Variants in HOMER2 observed in about 807,000 individuals in gnomAD.
HOMER2 encodes homer scaffold protein 2.
HOMER2 carries 27 observed loss-of-function variants against 47.0 expected under a neutral mutation model. The ratio of observed to expected loss-of-function variants is 0.57; its 90% confidence interval spans 0.42 to 0.79. The LOEUF (loss-of-function observed/expected upper bound fraction) is 0.79, where lower values mean the gene tolerates loss of function less well. Ranked by LOEUF, HOMER2 falls within the 30% of genes least tolerant of loss-of-function variation. The probability of loss-of-function intolerance (pLI) is 0.00; values close to 1 mark genes in which losing one functional copy is unlikely to be tolerated. For missense variants in HOMER2, 443 were observed against 435.0 expected (o/e 1.02, Z -0.16); for synonymous variants, 161 against 163.8 (o/e 0.98, Z 0.13).
chr15:82,968,226 A>G (rs967020116), intron 1 of HOMER2, among the ~76,000 whole-genome samples: 28 of 152,216 alleles, frequency 1.8e-4, no homozygotes, highest in Admixed American at 5.2e-4. Context: ...GGAATTTAGT[A>G]CTTTCACAAT....
chr15:82,935,126 T>A (rs2054114330), intron 1 of HOMER2, among the ~76,000 whole-genome samples: 1 of 152,268 alleles, frequency 6.6e-6, no homozygotes, highest in Non-Finnish European at 1.5e-5. Context: ...GCCTGCTGCA[T>A]CTCCTGCCTT....
At chr15:82,921,749 C>T (rs2053733985) in intron 1 of HOMER2, among the ~76,000 whole-genome samples, 1 of 152,190 alleles carries the variant, frequency 6.6e-6, no homozygotes, top group South Asian at 2.1e-4. Flanking sequence ...TGGTCAGCTA[C>T]CCCAACTCCC....
intron 3 of HOMER2, among the ~76,000 whole-genome samples, chr15:82,869,655 A>T (rs775666604): frequency 6.6e-6 from 1 of 151,884 alleles, no homozygotes; most frequent in Non-Finnish European, 1.5e-5. Flanking sequence ...ACAGGGTTTC[A>T]CAATGTTGGC....
At chr15:82,917,961 T>G (rs2053632297) in intron 1 of HOMER2, among the ~76,000 whole-genome samples, 1 of 152,108 alleles carries the variant, frequency 6.6e-6, no homozygotes, top group South Asian at 2.1e-4. Context: ...AGACTGCTGC[T>G]GAGACTAGAG....
chr15:82,982,228 C>T (rs1238258301), intron 1 of HOMER2, among the ~76,000 whole-genome samples: 1 of 152,050 alleles, frequency 6.6e-6, no homozygotes, highest in Non-Finnish European at 1.5e-5. Context: ...CTGGTTATAC[C>T]AGATAGGTAA....
intron 1 of HOMER2, among the ~76,000 whole-genome samples, chr15:82,935,246 G>C (rs562708579): frequency 1.3e-5 from 2 of 151,910 alleles, no homozygotes; most frequent in African/African-American, 4.8e-5. Flanking sequence ...CCCCAGCCTC[G>C]CACTCACCTT....
intron 1 of HOMER2, among the ~76,000 whole-genome samples, chr15:82,930,169 C>A (rs1252293977): frequency 6.6e-6 from 1 of 152,190 alleles, no homozygotes; most frequent in Non-Finnish European, 1.5e-5. Flanking sequence ...CAGGGTCGGA[C>A]CACACACATA....
chr15:82,936,050 C>T (rs2054135792), intron 1 of HOMER2, among the ~76,000 whole-genome samples: 1 of 152,224 alleles, frequency 6.6e-6, no homozygotes, highest in Non-Finnish European at 1.5e-5. Context: ...ACGTCTTTCT[C>T]CAATCTGAGA....
intron 1 of HOMER2, among the ~76,000 whole-genome samples, chr15:82,907,445 AAG>A (rs113467450): frequency 1.3e-5 from 2 of 150,654 alleles, no homozygotes; most frequent in Non-Finnish European, 2.9e-5. Flanking sequence ...GAAAGAAAGA[AAG>A]AGAAAGAAAG....
chr15:82,893,772 A>G (rs2052807907), intron 1 of HOMER2, among the ~76,000 whole-genome samples: 1 of 152,032 alleles, frequency 6.6e-6, no homozygotes, highest in African/African-American at 2.4e-5. Context: ...CAGGCACGTG[A>G]CACCACACTT....
intron 2 of HOMER2, among the ~76,000 whole-genome samples, chr15:82,891,900 T>C (rs1035297414): frequency 3.9e-5 from 6 of 152,004 alleles, no homozygotes; most frequent in African/African-American, 1.5e-4. Context: ...AATTCAGCTT[T>C]AGATACACTG....
At chr15:82,919,452 C>T (rs1439577264) in intron 1 of HOMER2, among the ~76,000 whole-genome samples, 1 of 152,212 alleles carries the variant, frequency 6.6e-6, no homozygotes, top group African/African-American at 2.4e-5. Context: ...AGAATTCAGT[C>T]ATCATTGTTG....
At position 82,854,764 on chromosome 15, in the gene HOMER2, C is replaced by CT. The variant is rs1438353123; in HGVS notation, c.530dup (p.Thr178AspfsTer32). ...GCCGTGCATTGCTCTCCCGAAGGGT[C>CT]TGCAGCTCGATCTCCCACTTCTTCA... On this transcript the variant is annotated frameshift_variant, in exon 6 of 9. Coordinates refer to ENST00000450735, the MANE Select transcript of HOMER2 (RefSeq NM_004839.4). LOFTEE classifies it high-confidence loss of function. 3 of 1,611,500 alleles carry CT rather than the reference C, an allele frequency of 1.9e-6. No individual in the cohort carries two copies. The highest frequency in any genetic ancestry group is 2.5e-6 in the Non-Finnish European group (3 of 1,179,768).
intron 1 of HOMER2, among the ~76,000 whole-genome samples, chr15:82,932,976 C>T (rs1040461364): frequency 6.6e-6 from 1 of 152,114 alleles, no homozygotes; most frequent in East Asian, 1.9e-4. Context: ...CCACCACAAA[C>T]GGCAGCTGGT....
rs754906921 is a variant in HOMER2 at position 82,849,631 on chromosome 15, A to G, written c.*84T>C. On this transcript the variant is annotated 3_prime_UTR_variant, in exon 9 of 9. Coordinates refer to ENST00000450735, the MANE Select transcript of HOMER2 (RefSeq NM_004839.4). ...AACTGCGCCTGCATTTACAGAAGCAATGCACACAGAAGAACGTCCTAGAGC... is the reference window on the plus strand; with the variant it reads ...AACTGCGCCTGCATTTACAGAAGCAGTGCACACAGAAGAACGTCCTAGAGC... 75 of 1,212,768 alleles carry G rather than the reference A, an allele frequency of 6.2e-5. No individual in the cohort carries two copies. The highest frequency in any genetic ancestry group is 8.2e-5 in the Non-Finnish European group (72 of 874,066). The allele number at this position is 1,212,768 out of a possible 1,614,324, so 75.1% of individuals were successfully genotyped here.
downstream of HOMER2, among the ~76,000 whole-genome samples, chr15:82,836,730 C>T (rs1351728296): frequency 1.3e-5 from 2 of 152,186 alleles, no homozygotes; most frequent in Admixed American, 6.5e-5. Flanking sequence ...TTCATCTGTT[C>T]GTCCATTCTC....
At chr15:82,924,659 C>A (rs556774050) in intron 1 of HOMER2, among the ~76,000 whole-genome samples, 1 of 152,338 alleles carries the variant, frequency 6.6e-6, no homozygotes, top group Admixed American at 6.5e-5. Flanking sequence ...CCCGCAATCT[C>A]AGCAGAACCT....
chr15:82,907,860 A>G (rs1437350100), intron 1 of HOMER2, among the ~76,000 whole-genome samples: 2 of 152,260 alleles, frequency 1.3e-5, no homozygotes, highest in Non-Finnish European at 2.9e-5. Context: ...ATGTTCATCA[A>G]CAGATGAATG....
At chr15:82,901,756 G>A (rs183411948) in intron 1 of HOMER2, among the ~76,000 whole-genome samples, 1 of 152,366 alleles carries the variant, frequency 6.6e-6, no homozygotes, top group East Asian at 1.9e-4. Context: ...GCTCTGTGGA[G>A]CTATTTTCTC....
Sources: allele counts gnomAD v4.1 joint callset (sites outside exome capture counted in the v4.1 genomes callset), GRCh38; gene constraint gnomAD v4.1.1; transcripts MANE v1.5; gene names NCBI Gene and HGNC (gene_info 2026-07-23, HGNC 2026-07-21).